ATF7IP2: variants seen among roughly 807,000 people sequenced by gnomAD.
The protein encoded by ATF7IP2 is activating transcription factor 7 interacting protein 2, also known as activating transcription factor 7-interacting protein 2.
In ATF7IP2, 42 loss-of-function variants were observed where a neutral mutation model predicts 64.2. That is an observed-to-expected ratio of 0.65 (90% CI 0.51 to 0.85). ATF7IP2 has a LOEUF of 0.85. Ranked by LOEUF, ATF7IP2 falls within the 40% of genes least tolerant of loss-of-function variation. The pLI, the probability that ATF7IP2 is intolerant of heterozygous loss-of-function variation, is 0.00. For missense variants in ATF7IP2, 933 were observed against 784.2 expected, an observed-to-expected ratio of 1.19 and a Z score of -2.27; for synonymous variants, 308 against 272.8, an observed-to-expected ratio of 1.13 and a Z score of -1.27.
At chr16:10,437,070 G>A (rs1341516000) in intron 6 of ATF7IP2, among the ~76,000 whole-genome samples, 2 of 149,290 alleles carry the variant, frequency 1.3e-5, no homozygotes, top group Non-Finnish European at 3.0e-5. Context: ...ACCCAGGCCT[G>A]GAGTACAGTG....
At chr16:10,424,982 T>C (rs944483834) in intron 3 of ATF7IP2, among the ~76,000 whole-genome samples, 1 of 151,936 alleles carries the variant, frequency 6.6e-6, no homozygotes, top group African/African-American at 2.4e-5. Context: ...ATTCTACTGC[T>C]AGGTATATAG....
intron 8 of ATF7IP2, 67 bp from the exon 9 acceptor site, chr16:10,457,305 A>G (rs1293313280): frequency 2.9e-6 from 4 of 1,389,724 alleles, no homozygotes; most frequent in Non-Finnish European, 3.0e-6. Flanking sequence ...TGAAAATGCT[A>G]ATTTTGTTTG....
intron 9 of ATF7IP2, among the ~76,000 whole-genome samples, chr16:10,465,469 G>T (rs1030994166): frequency 4.2e-4 from 64 of 151,654 alleles, no homozygotes; most frequent in African/African-American, 1.5e-3. Flanking sequence ...GAGCTGGGCC[G>T]GGCACAGTGA....
At chr16:10,471,809 G>C in intron 9 of ATF7IP2, 1 of 183,268 alleles carries the variant, frequency 5.5e-6, no homozygotes, top group Non-Finnish European at 1.1e-5. Flanking sequence ...AAAGGAATTT[G>C]TATGTTTTAT....
intron 8 of ATF7IP2, chr16:10,448,834 T>G (rs2141972189): frequency 6.6e-6 from 1 of 152,286 alleles, no homozygotes; most frequent in Non-Finnish European, 1.5e-5. Flanking sequence ...GGCCAGAACT[T>G]CCAATACTAT....
At chr16:10,401,054 T>G (rs527273938) in intron 1 of ATF7IP2, among the ~76,000 whole-genome samples, 51 of 152,354 alleles carry the variant, frequency 3.3e-4, no homozygotes, top group African/African-American at 1.1e-3. Flanking sequence ...GTGCATATAT[T>G]GAGATCATAT....
chr16:10,479,214 C>A (rs954626690), intron 12 of ATF7IP2, among the ~76,000 whole-genome samples: 18 of 147,582 alleles, frequency 1.2e-4, no homozygotes, highest in South Asian at 6.7e-4. Context: ...ATGTTTATTG[C>A]GGCACTATTC....
chr16:10,443,542 C>G (rs2048701782), intron 8 of ATF7IP2, among the ~76,000 whole-genome samples: 1 of 152,206 alleles, frequency 6.6e-6, no homozygotes, highest in African/African-American at 2.4e-5. Flanking sequence ...ATATTCAATT[C>G]ATTCCATGCA....
chr16:10,475,009 C>G (rs2049950008), intron 12 of ATF7IP2, among the ~76,000 whole-genome samples: 1 of 152,106 alleles, frequency 6.6e-6, no homozygotes, highest in Non-Finnish European at 1.5e-5. Flanking sequence ...TAGGGAAACC[C>G]CATCTCTACA....
chr16:10,471,560 G>A (rs562981175), intron 9 of ATF7IP2, among the ~76,000 whole-genome samples: 1 of 152,058 alleles, frequency 6.6e-6, no homozygotes, highest in Non-Finnish European at 1.5e-5. Flanking sequence ...TAAAAAAAAA[G>A]GGTCAAAATG....
At chr16:10,455,119 T>TCC (rs1411546673) in intron 8 of ATF7IP2, among the ~76,000 whole-genome samples, 1 of 152,196 alleles carries the variant, frequency 6.6e-6, no homozygotes, top group African/African-American at 2.4e-5. Flanking sequence ...GAAAAAATGG[T>TCC]CCCTGCAAGA....
Position 10,430,947 on chromosome 16 carries a change from G to A in ATF7IP2, c.327G>A (p.Leu109=), listed in dbSNP as rs1488538710. 2 of 1,613,898 alleles carry A rather than the reference G, an allele frequency of 1.2e-6. No individual in the cohort carries two copies. Among genetic ancestry groups the A allele is most frequent in the African/African-American group, 1.3e-5 (1 of 74,906 alleles). ...AAATTGTTCATTCAGAAACAAAATT[G>A]GAACAAGTTGTTTGTTCGTACCAAA... is the stretch of plus-strand genomic sequence containing the variant. ...VEEIVHSETK[L]EQVVCSYQKP... is the part of the protein sequence containing the mutation. The change falls in exon 5 of 14, where the codon TTG becomes TTA. Residue 109 remains leucine (L), a synonymous_variant. Coordinates refer to ENST00000562102, the MANE Select transcript of ATF7IP2 (RefSeq NM_001393719.1).
At chr16:10,406,112 A>G (rs2047634178) in intron 1 of ATF7IP2, among the ~76,000 whole-genome samples, 1 of 152,190 alleles carries the variant, frequency 6.6e-6, no homozygotes, top group Admixed American at 6.5e-5. Context: ...AAAAGCTTCA[A>G]ATAATTTTTT....
At chr16:10,440,118 C>G (rs1241375828) in intron 7 of ATF7IP2, among the ~76,000 whole-genome samples, 1 of 151,998 alleles carries the variant, frequency 6.6e-6, no homozygotes, top group Non-Finnish European at 1.5e-5. Context: ...CGAGATCGCA[C>G]CATTGCACGC....
At chr16:10,450,384 C>G (rs1272984223) in intron 8 of ATF7IP2, among the ~76,000 whole-genome samples, 2 of 152,178 alleles carry the variant, frequency 1.3e-5, no homozygotes, top group Admixed American at 6.5e-5. Context: ...AATTTTCTGT[C>G]TCGTTGATCT....
chr16:10,403,349 G>A (rs544346350), intron 1 of ATF7IP2, among the ~76,000 whole-genome samples: 137 of 152,216 alleles, frequency 9.0e-4, no homozygotes, highest in African/African-American at 3.1e-3. Flanking sequence ...CTACTACTAC[G>A]ACTGGCATTT....
chr16:10,447,575 G>T (rs1039046849), intron 8 of ATF7IP2: 1 of 152,264 alleles, frequency 6.6e-6, no homozygotes, highest in Non-Finnish European at 1.5e-5. Context: ...GAAAGCAGGG[G>T]TTTTTATTCC....
chr16:10,473,393 T>A (rs1014636218), intron 10 of ATF7IP2, 86 bp from the exon 11 acceptor site: 7 of 802,326 alleles, frequency 8.7e-6, no homozygotes, highest in Non-Finnish European at 1.5e-5. Context: ...CTAATTAGCA[T>A]CCCTATTATT....
At chr16:10,467,263 G>A (rs1365808394) in intron 9 of ATF7IP2, among the ~76,000 whole-genome samples, 2 of 152,102 alleles carry the variant, frequency 1.3e-5, no homozygotes, top group Admixed American at 6.6e-5. Context: ...TAAATACAAT[G>A]AGACTGCCAA....
Sources: allele counts gnomAD v4.1 joint callset (sites outside exome capture counted in the v4.1 genomes callset), GRCh38; gene constraint gnomAD v4.1.1; transcripts MANE v1.5; gene names NCBI Gene and HGNC (gene_info 2026-07-23, HGNC 2026-07-21).